HSPD1: variants seen among roughly 807,000 people sequenced by gnomAD.
HSPD1 encodes the protein heat shock protein family D (Hsp60) member 1.
A neutral mutation model predicts 53.0 loss-of-function variants in HSPD1; 3 were observed. The ratio of observed to expected loss-of-function variants is 0.06; its 90% CI spans 0.03 to 0.15. The LOEUF (loss-of-function observed/expected upper bound fraction) is 0.15. Ranked by LOEUF, HSPD1 falls within the 10% of genes least tolerant of loss-of-function variation. The pLI is 1.00. For missense variants in HSPD1, 431 were observed against 694.1 expected (o/e 0.62, Z 4.26); for synonymous variants, 200 against 228.0 (o/e 0.88, Z 1.10).
At chr2:197,488,515 T>TA (rs1192067304) in intron 9 of HSPD1, 24 bp from the exon 10 acceptor site, 2 of 1,600,008 alleles carry the variant, frequency 1.2e-6, no homozygotes, top group Admixed American at 3.3e-5. Context: ...GAATTCCAGT[T>TA]AGTATGGCCT....
At chr2:197,492,950 T>C (rs1170001338) in intron 7 of HSPD1, among the ~76,000 whole-genome samples, 1 of 147,972 alleles carries the variant, frequency 6.8e-6, no homozygotes, top group Non-Finnish European at 1.5e-5. Context: ...GAGATTGCAG[T>C]GAGCCAAGAT....
chr2:197,492,187 T>C (rs1433321518), intron 7 of HSPD1, among the ~76,000 whole-genome samples: 2 of 152,078 alleles, frequency 1.3e-5, no homozygotes, highest in Admixed American at 1.3e-4. Flanking sequence ...TGAAATACAC[T>C]TACATCTGAG....
Position 197,497,497 on chromosome 2 carries a change from T to C in HSPD1, c.175-105A>G. 14 of 1,169,404 alleles carry C rather than the reference T, an allele frequency of 1.2e-5. 1 individual carries two copies. In the South Asian group the frequency reaches 1.6e-4, roughly 14 times the overall value. The allele number at this position is 1,169,404 out of a possible 1,614,324, so 72.4% of individuals were successfully genotyped here. ...AAGCAACTACTTCAAAGTCTCAACG[T>C]AAGTTGTGTCATTTTTATCAGTCTT... is the stretch of plus-strand genomic sequence containing the variant. On this transcript the variant is annotated intron_variant, in intron 2 of 11. Coordinates refer to ENST00000388968, the MANE Select transcript of HSPD1 (RefSeq NM_002156.5).
chr2:197,496,432 GACAAAAA>G (rs1271582300), intron 3 of HSPD1, among the ~76,000 whole-genome samples: 1 of 152,102 alleles, frequency 6.6e-6, no homozygotes, highest in Non-Finnish European at 1.5e-5. Context: ...TGCCAATTCT[GACAAAAA>G]ATTACCAATA....
chr2:197,490,186 A>G lies in HSPD1; in HGVS notation c.969+11T>C. ...CATTCAGCAAACCATTATCACATTT[A>G]TTTTACTTACTGCACCACCAGTAGC... On this transcript the variant is annotated intron_variant, in intron 8 of 11. Transcript: ENST00000388968. 1.3e-6 allele frequency: 2 copies of G among 1,561,050 alleles called. No individual in the cohort carries two copies. Among genetic ancestry groups the G allele is most frequent in the South Asian group, 2.2e-5 (2 of 90,062 alleles).
At position 197,497,599 on chromosome 2, in the gene HSPD1, A is replaced by C. The variant is rs1057237864; in HGVS notation, c.175-207T>G. Reference sequence around the variant, plus strand: ...AATGACCTGATTCTCTGCCAAGAGCATAATTTTGAACTAGGTAATTTAGGA... The same window carrying C: ...AATGACCTGATTCTCTGCCAAGAGCCTAATTTTGAACTAGGTAATTTAGGA... On this transcript the variant is annotated intron_variant, in intron 2 of 11. Transcript: ENST00000388968. The C allele has an allele frequency of 5.0e-6, 3 of 598,832 alleles. No homozygotes were observed. In the African/African-American group the frequency reaches 5.6e-5, roughly 11 times the overall value. The allele number at this position is 598,832 out of a possible 1,614,324, so 37.1% of individuals were successfully genotyped here.
chr2:197,497,408 G>A lies in HSPD1; in HGVS notation c.175-16C>T. The A allele has an allele frequency of 6.2e-7, 1 of 1,612,726 alleles. No individual in the cohort carries two copies. The highest frequency in any genetic ancestry group is 8.5e-7 in the Non-Finnish European group (1 of 1,178,832). On this transcript the variant is annotated splice_polypyrimidine_tract_variant and intron_variant, in intron 2 of 11. Transcript: ENST00000388968. ...CTGTTCTTCCCTAGAAGAAAAAAAT[G>A]TAACAGGATCAGACATACCCTAAGG...
chr2:197,497,651 G>C, intron 2 of HSPD1: 1 of 532,792 alleles, frequency 1.9e-6, no homozygotes, highest in Non-Finnish European at 3.4e-6. Flanking sequence ...ACTAAAACTT[G>C]TCATCTTATA....
Position 197,497,155 on chromosome 2 carries a change from C to T in HSPD1, c.412G>A (p.Val138Met). ...FEKISKGANP[V>M]EIRRGVMLAV... Reference sequence around the variant, plus strand: ...ACATTCCTACCTCTCCTGATTTCCACTGGATTAGCACCTTTGCTAATCTTC... The same window carrying T: ...ACATTCCTACCTCTCCTGATTTCCATTGGATTAGCACCTTTGCTAATCTTC... The change falls in exon 3 of 12, where the codon GTG becomes ATG. Residue 138 changes from valine to methionine, a missense_variant. Val to Met is a conservative substitution (Grantham distance 21, BLOSUM62 1). Coordinates refer to ENST00000388968, the MANE Select transcript of HSPD1 (RefSeq NM_002156.5). The T allele has an allele frequency of 6.2e-7, 1 of 1,614,188 alleles. No individual in the cohort carries two copies. The highest frequency in any genetic ancestry group is 8.5e-7 in the Non-Finnish European group (1 of 1,179,992).
intron 8 of HSPD1, 80 bp from the exon 9 acceptor site, chr2:197,489,327 G>T: frequency 7.3e-7 from 1 of 1,370,426 alleles, no homozygotes; most frequent in Non-Finnish European, 1.0e-6. Context: ...CACCATGCAA[G>T]AGAATCATCA....
intron 4 of HSPD1, 138 bp downstream of exon 4, chr2:197,495,156 T>C: frequency 1.5e-6 from 1 of 675,248 alleles, no homozygotes; most frequent in Admixed American, 2.3e-5. Context: ...TCAAAGGTTT[T>C]AGCAGTAAGA....
At chr2:197,499,157 G>C (rs1240088741) in intron 1 of HSPD1, 1 of 462,680 alleles carries the variant, frequency 2.2e-6, no homozygotes, top group South Asian at 2.1e-5. Flanking sequence ...AAACGGCCTT[G>C]TGGGCAGACC....
chr2:197,489,317 C>T (rs2086063074), intron 8 of HSPD1, 70 bp from the exon 9 acceptor site: 7 of 1,450,158 alleles, frequency 4.8e-6, no homozygotes, highest in African/African-American at 1.4e-5. Flanking sequence ...TTTATTAATA[C>T]ACCATGCAAG....
chr2:197,490,928 T>C (rs969302374), intron 7 of HSPD1, among the ~76,000 whole-genome samples: 1 of 152,220 alleles, frequency 6.6e-6, no homozygotes, highest in African/African-American at 2.4e-5. Context: ...GACAGTATTG[T>C]TAAGCTCACC....
intron 2 of HSPD1, 134 bp downstream of exon 2, chr2:197,498,541 T>G (rs1456681231): frequency 7.1e-5 from 59 of 829,398 alleles, no homozygotes; most frequent in Middle Eastern, 6.8e-4. Context: ...AACCAATACT[T>G]CAGAATTCTT....
Position 197,486,771 on chromosome 2 carries a change from G to C in HSPD1, c.*275C>G. The C allele has an allele frequency of 9.0e-6, 4 of 443,510 alleles. No individual in the cohort carries two copies. Among genetic ancestry groups the C allele is most frequent in the South Asian group, 6.6e-5 (3 of 45,678 alleles). 27.5% of individuals were successfully genotyped at this position (443,510 alleles called of 1,614,324 possible). On this transcript the variant is annotated 3_prime_UTR_variant, in exon 12 of 12. Coordinates refer to ENST00000388968, the MANE Select transcript of HSPD1 (RefSeq NM_002156.5). Reference sequence around the variant, plus strand: ...GCCTCAGTGATTTAAGTTGAAAGCAGTACACTGGTACATGGCTCTTGTACC... The same window carrying C: ...GCCTCAGTGATTTAAGTTGAAAGCACTACACTGGTACATGGCTCTTGTACC...
At position 197,486,864 on chromosome 2, in the gene HSPD1, A is replaced by G. The variant is rs1559299730; in HGVS notation, c.*182T>C. The G allele has an allele frequency of 1.7e-6, 1 of 598,438 alleles. No homozygotes were observed. The highest frequency in any genetic ancestry group is 3.0e-6 in the Non-Finnish European group (1 of 335,614). The allele number at this position is 598,438 out of a possible 1,614,324, so 37.1% of individuals were successfully genotyped here. A position where few individuals can be genotyped will look rare whatever the true frequency, so the allele number is the denominator to read the frequency against. ...AATAAATTATCTGTAGGCATGGACA[A>G]TGACAGCAGTAAACCATTATATATT... is the stretch of plus-strand genomic sequence containing the variant. On this transcript the variant is annotated 3_prime_UTR_variant, in exon 12 of 12. Coordinates refer to ENST00000388968, the MANE Select transcript of HSPD1 (RefSeq NM_002156.5).
At chr2:197,492,801 G>C (rs2086110862) in intron 7 of HSPD1, among the ~76,000 whole-genome samples, 1 of 151,892 alleles carries the variant, frequency 6.6e-6, no homozygotes, top group Admixed American at 6.6e-5. Flanking sequence ...CACGAGGTCA[G>C]GAGTTTGAGA....
chr2:197,497,726 C>T (rs1008955902), intron 2 of HSPD1, among the ~76,000 whole-genome samples: 7 of 152,190 alleles, frequency 4.6e-5, no homozygotes, highest in African/African-American at 1.7e-4. Flanking sequence ...TTAGTTAGTG[C>T]CTGTTATCTT....
Sources: allele counts gnomAD v4.1 joint callset (sites outside exome capture counted in the v4.1 genomes callset), GRCh38; gene constraint gnomAD v4.1.1; transcripts MANE v1.5; gene names NCBI Gene and HGNC (gene_info 2026-07-23, HGNC 2026-07-21).